SSH2: variants seen among roughly 807,000 people sequenced by gnomAD.
SSH2 encodes the protein protein phosphatase Slingshot homolog 2.
Under a neutral mutation model 135.2 loss-of-function variants are expected in SSH2, and 37 were observed. The observed-to-expected ratio is 0.27, with a 90% CI of 0.21 to 0.36. The LOEUF (loss-of-function observed/expected upper bound fraction) is 0.36, where lower values mean the gene tolerates loss of function less well. Among genes scored for constraint, SSH2 ranks in the 10% least tolerant of loss-of-function variants. SSH2 has a pLI of 1.00. For missense variants in SSH2, 1,408 were observed against 1,765.3 expected (o/e 0.80, Z 3.63); for synonymous variants, 628 against 646.2 (o/e 0.97, Z 0.43).
chr17:29,740,636 A>T (rs1438042428), intron 3 of SSH2, among the ~76,000 whole-genome samples: 2 of 152,342 alleles, frequency 1.3e-5, no homozygotes, highest in Admixed American at 6.5e-5. Flanking sequence ...TAAAAAGTTA[A>T]TCTCCTCACC....
chr17:29,849,285 C>T (rs2065503717), intron 1 of SSH2, among the ~76,000 whole-genome samples: 1 of 151,620 alleles, frequency 6.6e-6, no homozygotes, highest in Admixed American at 6.6e-5. Flanking sequence ...CGAGACTATC[C>T]CAGCTAACAC....
chr17:29,704,650 T>C (rs964070197), intron 3 of SSH2, among the ~76,000 whole-genome samples: 2 of 148,618 alleles, frequency 1.3e-5, no homozygotes, highest in African/African-American at 5.0e-5. Flanking sequence ...TTATAGTGAG[T>C]TATGATGGCG....
At chr17:29,913,350 ATATATATATATATATAT>A (rs2066814541) in intron 1 of SSH2, among the ~76,000 whole-genome samples, 5 of 30,872 alleles carry the variant, frequency 1.6e-4, no homozygotes, top group African/African-American at 2.3e-4. Flanking sequence ...AAAAAAAAAT[ATATATATATATATATAT>A]ATATATATAT....
intron 2 of SSH2, among the ~76,000 whole-genome samples, chr17:29,841,892 A>ATTTTTTTTTTTTTTTTTTTTTTTT (rs770836134): frequency 1.0e-5 from 1 of 99,638 alleles, no homozygotes; most frequent in African/African-American, 3.9e-5. Flanking sequence ...CCCTTGGCTA[A>ATTTTTTTTTTTTTTTTTTTTTTTT]TTTTTTTTTT....
At chr17:29,756,349 T>C (rs934568714) in intron 3 of SSH2, among the ~76,000 whole-genome samples, 1 of 151,640 alleles carries the variant, frequency 6.6e-6, no homozygotes, top group African/African-American at 2.4e-5. Flanking sequence ...TAGCTCACTG[T>C]AACCTCGGAT....
intron 5 of SSH2, among the ~76,000 whole-genome samples, chr17:29,686,895 C>T (rs539976530): frequency 1.3e-5 from 2 of 152,256 alleles, no homozygotes; most frequent in South Asian, 2.1e-4. Context: ...AGGCTGGTCT[C>T]GAACTCCTGC....
At position 29,631,483 on chromosome 17, in the gene SSH2, A is replaced by G. The variant is rs2035669093; in HGVS notation, c.3711T>C (p.Cys1237=). The part of the protein sequence containing the change: ...QEKMDPLPVA[C]RLPHSSSSEN... ...CACTACTAGAGCTATGTGGGAGTCG[A>G]CAGGCTACAGGCAATGGGTCCATTT... is the stretch of plus-strand genomic sequence containing the variant. The change falls in exon 16 of 16, where the codon TGT becomes TGC. Residue 1237 remains cysteine (C), a synonymous_variant. Coordinates refer to ENST00000540801, the MANE Select transcript of SSH2 (RefSeq NM_001282129.2). 1.9e-6 allele frequency: 3 copies of G among 1,614,154 alleles called. No individual in the cohort carries two copies. Among genetic ancestry groups the G allele is most frequent in the Non-Finnish European group, 2.5e-6 (3 of 1,180,022 alleles).
intron 2 of SSH2, among the ~76,000 whole-genome samples, chr17:29,830,077 G>C (rs1286542611): frequency 1.3e-5 from 2 of 152,156 alleles, no homozygotes; most frequent in African/African-American, 4.8e-5. Flanking sequence ...CTGACCTGGT[G>C]ACCCTTCCGC....
rs781497071 is a variant in SSH2, at chr17:29,632,777, G to C, written c.2417C>G (p.Thr806Arg). 1 of 1,614,206 alleles carries C rather than the reference G, an allele frequency of 6.2e-7. No homozygotes were observed. Among genetic ancestry groups the C allele is most frequent in the Admixed American group, 1.7e-5 (1 of 60,030 alleles). The change falls in exon 16 of 16, where the codon ACA (threonine) becomes AGA (arginine). Residue 806 changes from threonine to arginine, a missense_variant. By Grantham distance (71) the Thr-to-Arg change is moderately conservative. Coordinates refer to ENST00000540801, the MANE Select transcript of SSH2 (RefSeq NM_001282129.2). The stretch of plus-strand genomic sequence containing the variant: ...CTCATGGATGCTGTTCTTCTTTGGT[G>C]TATGGCATGGGTTGGGTAAGATGTC... ...KGDILPNPCH[T>R]PKKNSIHELL... is the part of the protein sequence containing the mutation.
In SSH2 at chr17:29,872,945, G is replaced by A. The variant is rs550602420; in HGVS notation, c.64-24016C>T. ...GGGGAGGCAAAGACTGCAGTGAGCC[G>A]AGATCACACCACTGCACTCCAGCCT... On this transcript the variant is annotated intron_variant, in intron 1 of 15. Transcript: ENST00000540801. Among the ~76,000 whole-genome samples, 15 of 150,770 alleles carry A rather than the reference G, an allele frequency of 9.9e-5. No individual in the cohort carries two copies. The East Asian group carries it at 1.2e-3, about 12-fold the overall frequency.
chr17:29,854,464 A>G (rs2065625915), intron 1 of SSH2, among the ~76,000 whole-genome samples: 1 of 151,864 alleles, frequency 6.6e-6, no homozygotes, highest in African/African-American at 2.4e-5. Context: ...TGGTAAGAAA[A>G]ACATCTGCAC....
chr17:29,689,495 A>C (rs1475054010), intron 5 of SSH2, among the ~76,000 whole-genome samples: 1 of 152,226 alleles, frequency 6.6e-6, no homozygotes, highest in Non-Finnish European at 1.5e-5. Flanking sequence ...TGAAAAGGAC[A>C]CTACTGAAGT....
At position 29,635,965 on chromosome 17, in the gene SSH2, T is replaced by C; in HGVS notation, c.2262+3A>G. ...GGCGGAAAACTATAAAGACAGTTTT[T>C]ACCTTTGACTGTTCCTCATCCATTG... On this transcript the variant is annotated splice_donor_region_variant and intron_variant, in intron 15 of 15. Coordinates refer to ENST00000540801, the MANE Select transcript of SSH2 (RefSeq NM_001282129.2). 1 of 1,598,094 alleles carries C rather than the reference T, an allele frequency of 6.3e-7. No homozygotes were observed. Among genetic ancestry groups the C allele is most frequent in the Non-Finnish European group, 8.6e-7 (1 of 1,168,806 alleles).
At chr17:29,659,882 G>A (rs1438487723) in intron 11 of SSH2, among the ~76,000 whole-genome samples, 1 of 152,004 alleles carries the variant, frequency 6.6e-6, no homozygotes, top group African/African-American at 2.4e-5. Context: ...CCAAGGTGGA[G>A]TGCAGTGACG....
intron 2 of SSH2, among the ~76,000 whole-genome samples, chr17:29,836,851 A>G (rs1291312794): frequency 1.3e-5 from 2 of 152,248 alleles, no homozygotes; most frequent in African/African-American, 4.8e-5. Flanking sequence ...TACAACTCTC[A>G]TGACATTTGT....
chr17:29,671,928 G>A lies in SSH2; in HGVS notation c.809+7C>T. 6.2e-7 allele frequency: 1 copy of A among 1,610,048 alleles called. No homozygotes were observed. The highest frequency in any genetic ancestry group is 8.5e-7 in the Non-Finnish European group (1 of 1,177,142). On this transcript the variant is annotated splice_region_variant and intron_variant, in intron 9 of 15. Coordinates refer to ENST00000540801, the MANE Select transcript of SSH2 (RefSeq NM_001282129.2). ...GAACTTCCATAATCCTTAGCAAACT[G>A]ACTTACATGTCGGTGAAGAGAGCTG...
At chr17:29,765,386 G>C (rs1479707359) in intron 3 of SSH2, among the ~76,000 whole-genome samples, 2 of 152,158 alleles carry the variant, frequency 1.3e-5, no homozygotes, top group Non-Finnish European at 2.9e-5. Flanking sequence ...GAAAGTTATC[G>C]TGAGGATTAA....
At chr17:29,704,869 G>C (rs1197224216) in intron 3 of SSH2, among the ~76,000 whole-genome samples, 1 of 151,988 alleles carries the variant, frequency 6.6e-6, no homozygotes, top group Non-Finnish European at 1.5e-5. Context: ...CTCACAAATA[G>C]CCAAGTTTAG....
chr17:29,882,180 T>G (rs2066149797), intron 1 of SSH2, among the ~76,000 whole-genome samples: 1 of 152,230 alleles, frequency 6.6e-6, no homozygotes, highest in African/African-American at 2.4e-5. Context: ...AGCATATTAC[T>G]GATGGAAGTG....
Sources: gnomAD v4.1 joint callset for allele counts (sites outside exome capture counted in the v4.1 genomes callset) on GRCh38, gnomAD v4.1.1 for gene constraint, MANE v1.5 for transcripts, NCBI Gene and HGNC (gene_info 2026-07-23, HGNC 2026-07-21) for gene names.